The following PRH1 variants were observed in gnomAD, a reference collection of about 807,000 sequenced individuals.
PRH1 encodes the protein salivary acidic proline-rich phosphoprotein 1/2.
Under a neutral mutation model 7.9 loss-of-function variants are expected in PRH1, and 7 were observed. The ratio of observed to expected loss-of-function variants is 0.89; its 90% CI spans 0.50 to 1.67. The LOEUF (loss-of-function observed/expected upper bound fraction) is 1.67. Among genes scored for constraint, PRH1 ranks in the 40% most tolerant of loss-of-function variants. The probability of loss-of-function intolerance (pLI) is 0.00; values close to 1 mark genes in which losing one functional copy is unlikely to be tolerated. For missense variants in PRH1, 109 were observed against 223.6 expected, an observed-to-expected ratio of 0.49 and a Z score of 3.27; for synonymous variants, 45 against 80.8, an observed-to-expected ratio of 0.56 and a Z score of 2.38.
At chr12:11,091,731 T>G in intron 1 of PRH1, 2 of 1,303,604 alleles carry the variant, frequency 1.5e-6, no homozygotes, top group Non-Finnish European at 2.2e-6. Flanking sequence ...CTCTTCAATT[T>G]GATCTTCCAA....
intron 1 of PRH1, chr12:11,021,900 A>G (rs1334572620): frequency 1.2e-6 from 2 of 1,614,226 alleles, no homozygotes; most frequent in South Asian, 1.1e-5. Context: ...AAGCTTTTAT[A>G]TGGACCTTGG....
At chr12:11,020,474 A>T (rs1312222399) in intron 1 of PRH1, among the ~76,000 whole-genome samples, 1 of 151,692 alleles carries the variant, frequency 6.6e-6, no homozygotes, top group African/African-American at 2.4e-5. Context: ...TAATGTTAAA[A>T]TTTCATAACA....
chr12:11,026,742 C>T lies in PRH1; in HGVS notation c.-126+20278G>A, dbSNP rs540420852. Among the ~76,000 whole-genome samples the T allele has an allele frequency of 2.0e-5, 3 of 152,310 alleles. No homozygotes were observed. In the East Asian group the frequency reaches 5.8e-4, roughly 29 times the overall value. ...TACCAGAAACTTAAATCAACACTCA[C>T]AAATGCTTTCCAGGATGTGCTGTCT... is the stretch of plus-strand genomic sequence containing the variant. On this transcript the variant is annotated intron_variant, in intron 1 of 3. Transcript: ENST00000539853.
At chr12:10,936,151 A>G (rs113299986) in intron 2 of PRH1, among the ~76,000 whole-genome samples, 9 of 136,878 alleles carry the variant, frequency 6.6e-5, no homozygotes, top group Non-Finnish European at 7.8e-5. Context: ...CCCCGCCCCC[A>G]CACACATACA....
intron 1 of PRH1, among the ~76,000 whole-genome samples, chr12:11,150,469 A>G (rs1052797426): frequency 4.6e-5 from 7 of 152,132 alleles, no homozygotes; most frequent in African/African-American, 1.7e-4. Context: ...GCACATATAC[A>G]CCATGGAATA....
At chr12:11,004,434 G>A (rs1443287629) in intron 1 of PRH1, among the ~76,000 whole-genome samples, 6 of 152,040 alleles carry the variant, frequency 3.9e-5, no homozygotes, top group African/African-American at 7.2e-5. Context: ...TGAACCCGGA[G>A]GCGGAGGTTG....
At chr12:11,077,651 A>G in intron 1 of PRH1, 2 of 1,270,526 alleles carry the variant, frequency 1.6e-6, no homozygotes, top group Non-Finnish European at 1.1e-6. Flanking sequence ...GAACAGATTA[A>G]CAGCAGAAAA....
At chr12:11,158,411 A>G (rs998214175) in intron 1 of PRH1, among the ~76,000 whole-genome samples, 14 of 152,200 alleles carry the variant, frequency 9.2e-5, no homozygotes, top group African/African-American at 2.6e-4. Flanking sequence ...TACTGTATTT[A>G]TAATTTTTTG....
At chr12:11,149,341 T>G (rs1404482605) in intron 1 of PRH1, among the ~76,000 whole-genome samples, 1 of 152,222 alleles carries the variant, frequency 6.6e-6, no homozygotes, top group African/African-American at 2.4e-5. Flanking sequence ...TTTGAATGTG[T>G]TTGCTCTTGC....
At chr12:10,954,469 G>C (rs567036804) in intron 2 of PRH1, among the ~76,000 whole-genome samples, 1 of 150,980 alleles carries the variant, frequency 6.6e-6, no homozygotes, top group Non-Finnish European at 1.5e-5. Context: ...ACTTCTTTTT[G>C]TTTGTTTGTT....
chr12:10,954,996 A>C (rs1299697141), intron 2 of PRH1, among the ~76,000 whole-genome samples: 1 of 152,168 alleles, frequency 6.6e-6, no homozygotes, highest in East Asian at 1.9e-4. Context: ...AGATTTCAAC[A>C]CCCCACCAAC....
At chr12:10,958,935 A>G (rs1471439829) in intron 2 of PRH1, among the ~76,000 whole-genome samples, 2 of 152,228 alleles carry the variant, frequency 1.3e-5, no homozygotes, top group Admixed American at 1.3e-4. Context: ...GCGTTTTTAC[A>G]GGTTCTCTCT....
chr12:11,044,027 C>T (rs761689066), intron 1 of PRH1, among the ~76,000 whole-genome samples: 2 of 152,116 alleles, frequency 1.3e-5, no homozygotes, highest in Non-Finnish European at 2.9e-5. Context: ...AATCATGTTA[C>T]CTGACTTCAT....
chr12:11,157,276 T>C (rs1480829894), intron 1 of PRH1, among the ~76,000 whole-genome samples: 1 of 152,236 alleles, frequency 6.6e-6, no homozygotes. Context: ...GGAGCAGAAC[T>C]TGATCTCAAA....
chr12:10,902,964 C>T (rs78035242), intron 2 of PRH1, among the ~76,000 whole-genome samples: 3,250 of 152,222 alleles, frequency 0.021, 55 homozygotes, highest in Non-Finnish European at 0.035. Flanking sequence ...AACTACAAAG[C>T]ACCCAGCTAA....
chr12:11,162,997 A>C (rs373217544), intron 1 of PRH1, among the ~76,000 whole-genome samples: 1 of 152,368 alleles, frequency 6.6e-6, no homozygotes, highest in East Asian at 1.9e-4. Context: ...CCTAATTATT[A>C]AATTATTTTA....
At chr12:11,000,556 T>C (rs1940538862) in intron 1 of PRH1, among the ~76,000 whole-genome samples, 1 of 152,176 alleles carries the variant, frequency 6.6e-6, no homozygotes, top group South Asian at 2.1e-4. Flanking sequence ...AATTTGTTTT[T>C]AGTTATCTTG....
At chr12:11,020,363 G>GATATATCTATATATATATATATATATAT (rs1941545453) in intron 1 of PRH1, among the ~76,000 whole-genome samples, 10 of 87,574 alleles carry the variant, frequency 1.1e-4, no homozygotes, top group East Asian at 3.1e-3. Flanking sequence ...TATGATAAGC[G>GATATATCTATATATATATATATATATAT]ATATATATAT....
chr12:10,882,790 T>A (rs1184559111), intron 2 of PRH1, 92 bp from the exon 3 acceptor site: 3 of 1,569,740 alleles, frequency 1.9e-6, no homozygotes, highest in Non-Finnish European at 2.6e-6. Flanking sequence ...CCGGCCCCTC[T>A]CTGCCTGACC....
Sources: gnomAD v4.1 joint callset for allele counts (sites outside exome capture counted in the v4.1 genomes callset) on GRCh38, gnomAD v4.1.1 for gene constraint, MANE v1.5 for transcripts, NCBI Gene and HGNC (gene_info 2026-07-23, HGNC 2026-07-21) for gene names.